Variants in SYNDIG1 observed in about 807,000 individuals in gnomAD.
The protein encoded by SYNDIG1 is synapse differentiation-inducing gene protein 1.
SYNDIG1 carries 9 observed loss-of-function variants against 19.4 expected under a neutral mutation model. The ratio of observed to expected loss-of-function variants is 0.46; its 90% CI spans 0.28 to 0.81. The LOEUF is 0.81. SYNDIG1 is among the 30% of genes least tolerant of loss of function. The pLI is 0.12. For missense variants in SYNDIG1, 311 were observed against 343.3 expected (o/e 0.91, Z 0.74); for synonymous variants, 141 against 145.9 (o/e 0.97, Z 0.24).
intron 3 of SYNDIG1, among the ~76,000 whole-genome samples, chr20:24,662,367 T>C (rs1217450884): frequency 1.3e-5 from 2 of 152,044 alleles, no homozygotes; most frequent in African/African-American, 4.8e-5. Flanking sequence ...AGAAAGCAGG[T>C]CTTTTAATTC....
At chr20:24,550,812 C>G (rs1181061176) in intron 2 of SYNDIG1, among the ~76,000 whole-genome samples, 2 of 152,122 alleles carry the variant, frequency 1.3e-5, no homozygotes, top group Non-Finnish European at 2.9e-5. Flanking sequence ...GCCCAGCCTA[C>G]ATTAACTGCT....
intron 2 of SYNDIG1, among the ~76,000 whole-genome samples, chr20:24,551,131 T>C (rs189192248): frequency 3.7e-4 from 57 of 152,374 alleles, no homozygotes; most frequent in African/African-American, 1.4e-3. Context: ...CATTTGGGCC[T>C]GGCCTTTTCT....
At chr20:24,617,565 A>C (rs369139193) in intron 3 of SYNDIG1, among the ~76,000 whole-genome samples, 68 of 152,242 alleles carry the variant, frequency 4.5e-4, no homozygotes, top group African/African-American at 1.6e-3. Context: ...TCCTTCTGCG[A>C]AGGGGCCCCA....
chr20:24,524,403 T>C (rs963619896), intron 1 of SYNDIG1, among the ~76,000 whole-genome samples: 2 of 152,170 alleles, frequency 1.3e-5, no homozygotes, highest in African/African-American at 2.4e-5. Flanking sequence ...CCCAGCACTT[T>C]GGGAGGCCGA....
At chr20:24,587,444 A>G (rs1321175479) in intron 3 of SYNDIG1, among the ~76,000 whole-genome samples, 2 of 152,200 alleles carry the variant, frequency 1.3e-5, no homozygotes, top group African/African-American at 2.4e-5. Flanking sequence ...CAGATCCTGG[A>G]AACAAGCAGC....
chr20:24,638,979 G>A (rs1157140392), intron 3 of SYNDIG1, among the ~76,000 whole-genome samples: 1 of 152,056 alleles, frequency 6.6e-6, no homozygotes, highest in African/African-American at 2.4e-5. Flanking sequence ...AACCTGCTGG[G>A]CCTCCCTGCC....
rs137958888 is a variant in SYNDIG1, at chr20:24,501,748, T to C, written c.-79+31995T>C. On this transcript the variant is annotated intron_variant, in intron 1 of 3. Coordinates refer to ENST00000376862, the MANE Select transcript of SYNDIG1 (RefSeq NM_024893.3). ...TGCTTCCGATATTATTCATCTGTCA[T>C]GCACTAGACTCTGTCTTACAGAGTT... Among the ~76,000 whole-genome samples the C allele has an allele frequency of 1.9e-3, 295 of 152,360 alleles. 2 individuals carry two copies. Among genetic ancestry groups the C allele is most frequent in the Middle Eastern group, 0.014 (4 of 294 alleles).
At chr20:24,649,300 A>G (rs1405267924) in intron 3 of SYNDIG1, among the ~76,000 whole-genome samples, 1 of 151,928 alleles carries the variant, frequency 6.6e-6, no homozygotes, top group Non-Finnish European at 1.5e-5. Flanking sequence ...TCAGTTTATA[A>G]TTTTCTTTGG....
At chr20:24,591,541 G>GT (rs1482615544) in intron 3 of SYNDIG1, among the ~76,000 whole-genome samples, 3 of 151,626 alleles carry the variant, frequency 2.0e-5, no homozygotes, top group African/African-American at 7.3e-5. Flanking sequence ...TTTGTTTTTT[G>GT]TTTTTGCTTT....
rs191271004 is a variant in SYNDIG1 at position 24,595,811 on chromosome 20, T to A, written c.618+10818T>A. Among the ~76,000 whole-genome samples, 1,385 of 152,318 alleles carry A rather than the reference T, an allele frequency of 9.1e-3. 37 individuals carry two copies. Among genetic ancestry groups the A allele is most frequent in the Non-Finnish European group, 8.1e-3 (551 of 68,028 alleles). On this transcript the variant is annotated intron_variant, in intron 3 of 3. Coordinates refer to ENST00000376862, the MANE Select transcript of SYNDIG1 (RefSeq NM_024893.3). ...TCGTGGTACTCTCTGAGAGTTTTTT[T>A]AATTTATGATTGTGTTTATTTGGAC...
chr20:24,576,406 C>G (rs939460507), intron 2 of SYNDIG1, among the ~76,000 whole-genome samples: 3 of 152,170 alleles, frequency 2.0e-5, no homozygotes, highest in African/African-American at 7.2e-5. Flanking sequence ...GTTCCGAGCT[C>G]TAGTTTGTGG....
At chr20:24,597,598 C>T (rs985278161) in intron 3 of SYNDIG1, among the ~76,000 whole-genome samples, 1 of 152,092 alleles carries the variant, frequency 6.6e-6, no homozygotes, top group South Asian at 2.1e-4. Flanking sequence ...GTGTGGTAAG[C>T]GTTGGACAGA....
At chr20:24,660,545 C>T (rs1287983625) in intron 3 of SYNDIG1, among the ~76,000 whole-genome samples, 2 of 152,228 alleles carry the variant, frequency 1.3e-5, no homozygotes, top group African/African-American at 4.8e-5. Context: ...TCGTCAGCCA[C>T]AGTGTCTGCC....
At chr20:24,551,968 A>G (rs2057713860) in intron 2 of SYNDIG1, among the ~76,000 whole-genome samples, 1 of 152,214 alleles carries the variant, frequency 6.6e-6, no homozygotes. Flanking sequence ...AAAGTGTTTT[A>G]TACAGATTCG....
At chr20:24,509,745 GTT>G (rs1568596937) in intron 1 of SYNDIG1, among the ~76,000 whole-genome samples, 1 of 152,202 alleles carries the variant, frequency 6.6e-6, no homozygotes, top group African/African-American at 2.4e-5. Flanking sequence ...AGGATAAAAT[GTT>G]CTCTCTCACA....
chr20:24,578,428 C>A (rs931508825), intron 2 of SYNDIG1, among the ~76,000 whole-genome samples: 1 of 139,116 alleles, frequency 7.2e-6, no homozygotes, highest in East Asian at 2.1e-4. Context: ...GGAGACAGTG[C>A]GAGACTCTGT....
chr20:24,549,466 C>G (rs927151891), intron 2 of SYNDIG1, among the ~76,000 whole-genome samples: 1 of 152,114 alleles, frequency 6.6e-6, no homozygotes, highest in African/African-American at 2.4e-5. Context: ...CCTTGCAGGA[C>G]GTGGGGTGGG....
intron 1 of SYNDIG1, among the ~76,000 whole-genome samples, chr20:24,520,195 C>CT (rs2056975232): frequency 6.6e-6 from 1 of 151,548 alleles, no homozygotes; most frequent in Admixed American, 6.6e-5. Context: ...AGAAAAAACA[C>CT]TAACAAAATA....
At chr20:24,598,187 T>C (rs550811926) in intron 3 of SYNDIG1, among the ~76,000 whole-genome samples, 63 of 152,234 alleles carry the variant, frequency 4.1e-4, no homozygotes, top group African/African-American at 1.5e-3. Flanking sequence ...CTGTGCAGGG[T>C]ATGGAGTGGA....
Sources: allele counts gnomAD v4.1 joint callset (sites outside exome capture counted in the v4.1 genomes callset), GRCh38; gene constraint gnomAD v4.1.1; transcripts MANE v1.5; gene names NCBI Gene and HGNC (gene_info 2026-07-23, HGNC 2026-07-21).